Variants in SEZ6L observed in about 807,000 individuals in gnomAD.
The protein encoded by SEZ6L is seizure 6-like protein.
Under a neutral mutation model 106.2 loss-of-function variants are expected in SEZ6L, and 37 were observed. That is an observed-to-expected ratio of 0.35 (90% CI 0.27 to 0.46). The LOEUF is 0.46. Ranked by LOEUF, SEZ6L falls within the 20% of genes least tolerant of loss-of-function variation. The pLI is 1.00. For missense variants in SEZ6L, 1,172 were observed against 1,332.8 expected (o/e 0.88, Z 1.88); for synonymous variants, 541 against 570.4 (o/e 0.95, Z 0.73).
At position 26,274,695 on chromosome 22, in the gene SEZ6L, A is replaced by G. The variant is rs1306472173; in HGVS notation, c.95-17711A>G. Among the ~76,000 whole-genome samples, 5 of 152,238 alleles carry G rather than the reference A, an allele frequency of 3.3e-5. No individual in the cohort carries two copies. In the East Asian group the frequency reaches 7.7e-4, roughly 23 times the overall value. Reference sequence around the variant, plus strand: ...TGAAATCAGCAAAGGGAAGAGGTACATGAGGCAGAGTCCTAGAAACCAGGC... The same window carrying G: ...TGAAATCAGCAAAGGGAAGAGGTACGTGAGGCAGAGTCCTAGAAACCAGGC... On this transcript the variant is annotated intron_variant, in intron 1 of 16. Coordinates refer to ENST00000248933, the MANE Select transcript of SEZ6L (RefSeq NM_021115.5).
At chr22:26,374,849 C>T (rs1448238207) in intron 14 of SEZ6L, among the ~76,000 whole-genome samples, 2 of 152,128 alleles carry the variant, frequency 1.3e-5, no homozygotes, top group Admixed American at 6.6e-5. Flanking sequence ...TTGCAATTGC[C>T]ACAGTGGGAG....
intron 1 of SEZ6L, among the ~76,000 whole-genome samples, chr22:26,238,758 C>T (rs547269139): frequency 1.3e-5 from 2 of 152,282 alleles, no homozygotes; most frequent in South Asian, 2.1e-4. Context: ...GCATGGAAAT[C>T]GTTAGTCACT....
chr22:26,366,521 G>A, intron 13 of SEZ6L, among the ~76,000 whole-genome samples: 1 of 151,772 alleles, frequency 6.6e-6, no homozygotes. Flanking sequence ...TGGTGAAACT[G>A]TCTCTACAAA....
intron 9 of SEZ6L, among the ~76,000 whole-genome samples, chr22:26,330,914 C>T (rs1215279706): frequency 6.6e-6 from 1 of 152,148 alleles, no homozygotes; most frequent in Non-Finnish European, 1.5e-5. Flanking sequence ...AGTATGTTTG[C>T]CTACCTAAAA....
At chr22:26,239,491 A>G (rs1164029317) in intron 1 of SEZ6L, among the ~76,000 whole-genome samples, 4 of 152,188 alleles carry the variant, frequency 2.6e-5, no homozygotes. Context: ...TTCATTTTGT[A>G]TAGAAGGAAC....
rs533388558 is a variant in SEZ6L, at chr22:26,349,447, C to T, written c.2407+1534C>T. ...TGATGATGTTACTCTTTGGAAACAA[C>T]GCTGCTGTTAAACATTTATTCTATA... is the stretch of plus-strand genomic sequence containing the variant. On this transcript the variant is annotated intron_variant, in intron 11 of 16. Coordinates refer to ENST00000248933, the MANE Select transcript of SEZ6L (RefSeq NM_021115.5). Among the ~76,000 whole-genome samples, 8 of 152,328 alleles carry T rather than the reference C, an allele frequency of 5.3e-5. No individual in the cohort carries two copies. The South Asian group carries it at 8.3e-4, about 16-fold the overall frequency.
intron 1 of SEZ6L, among the ~76,000 whole-genome samples, chr22:26,194,656 G>A (rs134767): frequency 0.22 from 33,249 of 152,088 alleles, 3,789 homozygotes; most frequent in Middle Eastern, 0.33. Context: ...TGGTAGTGTA[G>A]GAAATAGAAC....
At position 26,310,673 on chromosome 22, in the gene SEZ6L, G is replaced by A; in HGVS notation, c.1518G>A (p.Met506Ile). ...ERLLLHDKDR[M>I]TVHSGQTNKS... ...TCCTCTCTGCTCCCACTGCCAGGATGACGGTTCACAGCGGGCAGACCAACA... is the reference window on the plus strand; with the variant it reads ...TCCTCTCTGCTCCCACTGCCAGGATAACGGTTCACAGCGGGCAGACCAACA... Residue 506 changes from methionine (M) to isoleucine (I), a missense_variant, in exon 7 of 17, where the codon ATG (methionine) becomes ATA (isoleucine). Transcript: ENST00000248933. The A allele has an allele frequency of 1.2e-6, 2 of 1,614,134 alleles. No individual in the cohort carries two copies. Among genetic ancestry groups the A allele is most frequent in the South Asian group, 2.2e-5 (2 of 91,054 alleles).
chr22:26,270,987 T>C (rs1392577956), intron 1 of SEZ6L, among the ~76,000 whole-genome samples: 1 of 152,218 alleles, frequency 6.6e-6, no homozygotes, highest in Admixed American at 6.5e-5. Context: ...TGTCCACTAA[T>C]GATCCAGATA....
chr22:26,307,305 A>G (rs1419530776), intron 6 of SEZ6L, among the ~76,000 whole-genome samples: 2 of 152,180 alleles, frequency 1.3e-5, no homozygotes, highest in African/African-American at 4.8e-5. Context: ...ATGTGGGAGC[A>G]GTTGACTGCT....
chr22:26,283,466 T>C lies in SEZ6L; in HGVS notation c.95-8940T>C, dbSNP rs185229052. On this transcript the variant is annotated intron_variant, in intron 1 of 16. Transcript: ENST00000248933. The stretch of plus-strand genomic sequence containing the variant: ...TCTAAGTACAAAGTTGGTGGTAGAA[T>C]ACTAATGTAATGGAATACTATACAG... Among the ~76,000 whole-genome samples, 185 of 152,328 alleles carry C rather than the reference T, an allele frequency of 1.2e-3. 1 individual carries two copies. The highest frequency in any genetic ancestry group is 2.0e-3 in the Non-Finnish European group (138 of 68,032).
intron 11 of SEZ6L, 103 bp downstream of exon 11, chr22:26,348,016 G>T: frequency 1.2e-6 from 1 of 869,514 alleles, no homozygotes; most frequent in Non-Finnish European, 1.7e-6. Flanking sequence ...GTAGAATCTG[G>T]ACTCCCCCTC....
rs1202946383 is a variant in SEZ6L at position 26,169,634 on chromosome 22, C to CCCACAGCCAGCGGCT, written c.-33_-19dup. On this transcript the variant is annotated 5_prime_UTR_variant, in exon 1 of 17. Coordinates refer to ENST00000248933, the MANE Select transcript of SEZ6L (RefSeq NM_021115.5). ...CCCAGCTCCCTCGCCGTCCGCCCGCCCCACAGCCAGCGGCTCCGCGCCCCC... is the reference window on the plus strand; with the variant it reads ...CCCAGCTCCCTCGCCGTCCGCCCGCCCCACAGCCAGCGGCTCCACAGCCAGCGGCTCCGCGCCCCC... 4 of 854,624 alleles carry CCCACAGCCAGCGGCT rather than the reference C, an allele frequency of 4.7e-6. No homozygotes were observed. The highest frequency in any genetic ancestry group is 6.6e-6 in the Non-Finnish European group (4 of 610,314). The allele number at this position is 854,624 out of a possible 1,614,324, so 52.9% of individuals were successfully genotyped here.
At chr22:26,292,278 A>G (rs919988997) in intron 1 of SEZ6L, 128 bp from the exon 2 acceptor site, 2 of 629,742 alleles carry the variant, frequency 3.2e-6, no homozygotes, top group African/African-American at 3.7e-5. Context: ...GAGAAAGGAG[A>G]AGTTGGTTTA....
intron 1 of SEZ6L, among the ~76,000 whole-genome samples, chr22:26,215,502 CG>C (rs1569387434): frequency 6.6e-6 from 1 of 151,890 alleles, no homozygotes; most frequent in Non-Finnish European, 1.5e-5. Flanking sequence ...AGAGGCGATT[CG>C]TTTTGTTTCC....
chr22:26,275,697 C>A (rs983273291), intron 1 of SEZ6L, among the ~76,000 whole-genome samples: 2 of 152,120 alleles, frequency 1.3e-5, no homozygotes, highest in African/African-American at 4.8e-5. Flanking sequence ...CCCCCACCTC[C>A]TAGGTGCCTT....
intron 3 of SEZ6L, among the ~76,000 whole-genome samples, chr22:26,295,795 C>G (rs1334992777): frequency 6.6e-6 from 1 of 152,102 alleles, no homozygotes; most frequent in African/African-American, 2.4e-5. Flanking sequence ...AATGCCTGCC[C>G]TAAAAGAGAA....
chr22:26,315,860 C>T (rs2081982731), intron 9 of SEZ6L, among the ~76,000 whole-genome samples: 1 of 152,034 alleles, frequency 6.6e-6, no homozygotes, highest in Admixed American at 6.5e-5. Context: ...GAGTTCGAGA[C>T]CAGCCTAGGC....
chr22:26,375,921 G>A (rs2084209827), intron 15 of SEZ6L, among the ~76,000 whole-genome samples: 1 of 152,210 alleles, frequency 6.6e-6, no homozygotes, highest in African/African-American at 2.4e-5. Context: ...TGCCCTCAAG[G>A]AGGTTATGGT....
Sources: allele counts gnomAD v4.1 joint callset (sites outside exome capture counted in the v4.1 genomes callset), GRCh38; gene constraint gnomAD v4.1.1; transcripts MANE v1.5; gene names NCBI Gene and HGNC (gene_info 2026-07-23, HGNC 2026-07-21).